The following MARCHF10 variants were observed in gnomAD, a reference collection of about 807,000 sequenced individuals.
The protein encoded by MARCHF10 is probable E3 ubiquitin-protein ligase MARCHF10.
MARCHF10 carries 64 observed loss-of-function variants against 76.2 expected under a neutral mutation model. The observed-to-expected ratio is 0.84, with a 90% CI of 0.69 to 1.03. The LOEUF is 1.03. Ranked by LOEUF, MARCHF10 falls within the 50% of genes least tolerant of loss-of-function variation. The pLI is 0.00. For synonymous variants in MARCHF10, 340 were observed against 357.5 expected (o/e 0.95, Z 0.55); for missense variants, 875 against 958.0 (o/e 0.91, Z 1.14).
chr17:62,745,089 G>T (rs2091656609), intron 4 of MARCHF10, among the ~76,000 whole-genome samples: 1 of 150,348 alleles, frequency 6.7e-6, no homozygotes, highest in African/African-American at 2.4e-5. Context: ...CTTTTGCTAA[G>T]AAGTTTTGTC....
chr17:62,757,129 T>C (rs1169705317), intron 4 of MARCHF10, among the ~76,000 whole-genome samples: 3 of 152,146 alleles, frequency 2.0e-5, no homozygotes, highest in Non-Finnish European at 4.4e-5. Context: ...TCCCCAGCTA[T>C]ATATTTTTTT....
chr17:62,727,275 A>T (rs1431532822), intron 6 of MARCHF10, among the ~76,000 whole-genome samples: 1 of 152,232 alleles, frequency 6.6e-6, no homozygotes, highest in Non-Finnish European at 1.5e-5. Flanking sequence ...TTTGCAAAAA[A>T]ATTTTTTTTA....
At chr17:62,757,062 T>C (rs1373550843) in intron 4 of MARCHF10, among the ~76,000 whole-genome samples, 3 of 152,172 alleles carry the variant, frequency 2.0e-5, no homozygotes, top group African/African-American at 7.2e-5. Flanking sequence ...CAAAGAAAAA[T>C]GCTTTTTTGA....
Position 62,788,745 on chromosome 17 carries a change from C to T in MARCHF10, c.91-146G>A, listed in dbSNP as rs981170693. 10 of 1,175,950 alleles carry T rather than the reference C, an allele frequency of 8.5e-6. 1 individual carries two copies. The Middle Eastern group carries it at 1.0e-3, about 122-fold the overall frequency. 72.8% of individuals were successfully genotyped at this position (1,175,950 alleles called of 1,614,324 possible). A position where few individuals can be genotyped will look rare whatever the true frequency, so the allele number is the denominator to read the frequency against. Reference sequence around the variant, plus strand: ...AATACCTCTCACCAAGTATAAAGACCAGGTATCACTCTTCCCTTTGCTTAA... The same window carrying T: ...AATACCTCTCACCAAGTATAAAGACTAGGTATCACTCTTCCCTTTGCTTAA... On this transcript the variant is annotated intron_variant, in intron 2 of 10. Transcript: ENST00000311269.
At chr17:62,751,852 C>G (rs1437303841) in intron 4 of MARCHF10, among the ~76,000 whole-genome samples, 1 of 152,108 alleles carries the variant, frequency 6.6e-6, no homozygotes, top group Non-Finnish European at 1.5e-5. Flanking sequence ...GAAACCCCAT[C>G]TCTACTAAAA....
At position 62,702,240 on chromosome 17, in the gene MARCHF10, C is replaced by T. The variant is rs192517986; in HGVS notation, c.2372-482G>A. On this transcript the variant is annotated intron_variant, in intron 10 of 10. Transcript: ENST00000311269. ...AAGAGGCACTGGGACGCAGTGCAGT[C>T]CCAGTGGAGGAGGTGGAGTTGGTGG... Among the ~76,000 whole-genome samples, 35 of 152,132 alleles carry T rather than the reference C, an allele frequency of 2.3e-4. No individual in the cohort carries two copies. In the East Asian group the frequency reaches 5.2e-3, roughly 23 times the overall value.
chr17:62,768,787 A>G (rs890474680), intron 3 of MARCHF10, among the ~76,000 whole-genome samples: 1 of 152,204 alleles, frequency 6.6e-6, no homozygotes, highest in Non-Finnish European at 1.5e-5. Flanking sequence ...CAAAATAGAC[A>G]TTCTCCTGCA....
intron 5 of MARCHF10, among the ~76,000 whole-genome samples, chr17:62,739,948 C>T (rs897417371): frequency 6.6e-5 from 10 of 152,096 alleles, no homozygotes; most frequent in South Asian, 2.1e-4. Context: ...AGGGTATGCG[C>T]GGTGTTGCGG....
chr17:62,807,165 T>G, intron 1 of MARCHF10, among the ~76,000 whole-genome samples: 1 of 152,238 alleles, frequency 6.6e-6, no homozygotes, highest in East Asian at 1.9e-4. Context: ...TCAGACATTA[T>G]AGGATTTGTT....
chr17:62,790,833 G>C (rs901517044), intron 2 of MARCHF10, among the ~76,000 whole-genome samples: 5 of 152,124 alleles, frequency 3.3e-5, no homozygotes, highest in African/African-American at 1.2e-4. Flanking sequence ...TATTCACATC[G>C]TGCTTTATGT....
intron 9 of MARCHF10, 138 bp from the exon 10 acceptor site, chr17:62,705,719 T>C: frequency 9.4e-7 from 1 of 1,059,450 alleles, no homozygotes; most frequent in Non-Finnish European, 1.4e-6. Flanking sequence ...GCAGAGGTGC[T>C]GAGGGCTGGG....
At chr17:62,762,825 C>T (rs140304094) in intron 3 of MARCHF10, among the ~76,000 whole-genome samples, 2 of 152,190 alleles carry the variant, frequency 1.3e-5, no homozygotes, top group East Asian at 1.9e-4. Context: ...GGATTACAGG[C>T]GTAAGCCACC....
In MARCHF10 at chr17:62,736,824, C is replaced by A. The variant is rs775965680; in HGVS notation, c.1044G>T (p.Glu348Asp). 37 of 1,613,928 alleles carry A rather than the reference C, an allele frequency of 2.3e-5. No homozygotes were observed. In the Admixed American group the frequency reaches 6.0e-4, roughly 26 times the overall value. ...NCRGHSSRRS[E>D]PSHGSLRISN... ...TTATTCTCAATGAGCCATGACTGGG[C>A]TCACTTCTTCTTGAAGAATGACCTC... Residue 348 changes from glutamate (E) to aspartate (D), a missense_variant, in exon 6 of 11, where the codon GAG becomes GAT. By Grantham distance (45) the Glu-to-Asp change is conservative. Transcript: ENST00000311269.
chr17:62,754,106 T>C (rs2091973728), intron 4 of MARCHF10, among the ~76,000 whole-genome samples: 1 of 152,186 alleles, frequency 6.6e-6, no homozygotes, highest in African/African-American at 2.4e-5. Flanking sequence ...ATGGTTTCAC[T>C]CTGTCGCCCA....
chr17:62,792,715 TCAC>T lies in MARCHF10; in HGVS notation c.91-4119_91-4117del, dbSNP rs1221657949. Among the ~76,000 whole-genome samples, 79 of 59,430 alleles carry T rather than the reference TCAC, an allele frequency of 1.3e-3. 1 individual carries two copies. The highest frequency in any genetic ancestry group is 5.8e-3 in the East Asian group (8 of 1,370). 39.0% of individuals were successfully genotyped at this position (59,430 alleles called of 152,430 possible). On this transcript the variant is annotated intron_variant, in intron 2 of 10. Transcript: ENST00000311269. The stretch of plus-strand genomic sequence containing the variant: ...ACCATCACCTCCATCACTACAACCA[TCAC>T]CACCACCACCACCATCACCACCACC...
chr17:62,761,174 C>T lies in MARCHF10; in HGVS notation c.211-1168G>A, dbSNP rs2092191563. Among the ~76,000 whole-genome samples the T allele has an allele frequency of 3.9e-5, 6 of 152,300 alleles. No homozygotes were observed. In the South Asian group the frequency reaches 1.2e-3, roughly 32 times the overall value. On this transcript the variant is annotated intron_variant, in intron 3 of 10. Transcript: ENST00000311269. ...GTCTACATAAATCTACAGGTGGACA[C>T]ATCATTATGCTCCAAGATGATGAAT...
chr17:62,798,863 A>C (rs912806018), intron 2 of MARCHF10, among the ~76,000 whole-genome samples: 2 of 152,158 alleles, frequency 1.3e-5, no homozygotes, highest in Admixed American at 6.5e-5. Context: ...GGGGCTGGAG[A>C]GCAGAGGGCC....
At chr17:62,796,582 G>C (rs1306888564) in intron 2 of MARCHF10, among the ~76,000 whole-genome samples, 1 of 152,202 alleles carries the variant, frequency 6.6e-6, no homozygotes, top group Non-Finnish European at 1.5e-5. Context: ...TGATAGCCAA[G>C]TTAGGCAACA....
At chr17:62,742,004 CTG>C (rs1333719901) in intron 5 of MARCHF10, among the ~76,000 whole-genome samples, 3 of 142,700 alleles carry the variant, frequency 2.1e-5, no homozygotes, top group Non-Finnish European at 4.5e-5. Context: ...AGCCTGGAAA[CTG>C]TTTTTTTTTC....
Sources: allele counts gnomAD v4.1 joint callset (sites outside exome capture counted in the v4.1 genomes callset), GRCh38; gene constraint gnomAD v4.1.1; transcripts MANE v1.5; gene names NCBI Gene and HGNC (gene_info 2026-07-23, HGNC 2026-07-21).